Variants in ZAP70 observed in about 807,000 individuals in gnomAD.
ZAP70 encodes the protein tyrosine-protein kinase ZAP-70.
In ZAP70, 27 loss-of-function variants were observed where a neutral mutation model predicts 65.8. The observed-to-expected ratio is 0.41, with a 90% CI of 0.30 to 0.57. ZAP70 has a LOEUF of 0.57. Ranked by LOEUF, ZAP70 falls within the 20% of genes least tolerant of loss-of-function variation. The pLI is 0.28. For missense variants in ZAP70, 696 were observed against 870.5 expected (o/e 0.80, Z 2.52); for synonymous variants, 363 against 360.8 (o/e 1.01, Z -0.07).
At chr2:97,720,475 C>T (rs558798436) in intron 2 of ZAP70, among the ~76,000 whole-genome samples, 1 of 152,104 alleles carries the variant, frequency 6.6e-6, no homozygotes, top group South Asian at 2.1e-4. Flanking sequence ...GGTGATCCGC[C>T]TGCCTCGGCC....
Position 97,732,965 on chromosome 2 carries a change from G to C in ZAP70, c.646G>C (p.Asp216His). The C allele has an allele frequency of 6.2e-7, 1 of 1,614,138 alleles. No homozygotes were observed. The highest frequency in any genetic ancestry group is 1.1e-5 in the South Asian group (1 of 91,092). Reference protein sequence around the residue: ...KTVYHYLISQDKAGKYCIPEG... With the variant: ...KTVYHYLISQHKAGKYCIPEG... ...GGTGTACCACTACCTCATCAGCCAA[G>C]ACAAGGCGGGCAAGTACTGCATTCC... The change falls in exon 5 of 14, where the codon GAC (aspartate) becomes CAC (histidine). Residue 216 changes from aspartate (D) to histidine (H), a missense_variant. This residue lies in a region of ZAP70 where 551 missense variants were observed against 630.0 expected (regional missense o/e 0.87). Coordinates refer to ENST00000264972, the MANE Select transcript of ZAP70 (RefSeq NM_001079.4).
At chr2:97,713,876 A>G in intron 1 of ZAP70, 40 bp from the exon 2 acceptor site, 1 of 152,574 alleles carries the variant, frequency 6.6e-6, no homozygotes, top group Non-Finnish European at 1.5e-5. Flanking sequence ...GGCTGCAGGG[A>G]AATCCAAACC....
the ZAP70 span, among the ~76,000 whole-genome samples, chr2:97,752,719 TC>T: frequency 1.3e-5 from 2 of 152,248 alleles, no homozygotes; most frequent in African/African-American, 4.8e-5. Context: ...AGAAGCCTGT[TC>T]CTAAAGCATT....
chr2:97,730,038 C>A (rs1481056794), intron 4 of ZAP70, among the ~76,000 whole-genome samples: 1 of 152,090 alleles, frequency 6.6e-6, no homozygotes, highest in Non-Finnish European at 1.5e-5. Flanking sequence ...ACCAGCCTGG[C>A]CAACATGGTG....
At chr2:97,747,382 TAAG>T in the ZAP70 span, among the ~76,000 whole-genome samples, 2 of 152,164 alleles carry the variant, frequency 1.3e-5, no homozygotes, top group Non-Finnish European at 2.9e-5. Flanking sequence ...TATTCAGCCA[TAAG>T]AAGGAATGAA....
In ZAP70 at chr2:97,730,915, C is replaced by T. The variant is rs371433712; in HGVS notation, c.564-1968C>T. Among the ~76,000 whole-genome samples the T allele has an allele frequency of 1.3e-4, 20 of 151,888 alleles. No homozygotes were observed. In the East Asian group the frequency reaches 3.5e-3, roughly 26 times the overall value. On this transcript the variant is annotated intron_variant, in intron 4 of 13. Transcript: ENST00000264972. ...CTAAAAATACAAAAAATTAGCTGGG[C>T]GTGGTGGTGTGCACCTGCAGTCCCA...
chr2:97,738,652 C>T (rs1036409777), intron 13 of ZAP70: 8 of 202,662 alleles, frequency 3.9e-5, no homozygotes, highest in East Asian at 1.2e-4. Flanking sequence ...CCCAGACAAG[C>T]GGACGCCCTA....
Position 97,731,115 on chromosome 2 carries a change from G to C in ZAP70, c.564-1768G>C, listed in dbSNP as rs368415238. Among the ~76,000 whole-genome samples the C allele has an allele frequency of 1.3e-3, 202 of 151,842 alleles. 6 individuals are homozygous for C. The South Asian group carries it at 0.042, about 31-fold the overall frequency. On this transcript the variant is annotated intron_variant, in intron 4 of 13. Transcript: ENST00000264972. The surrounding 1 kb of genome is among the most constrained non-coding windows in gnomAD (Gnocchi z 4.0). ...GAGATGGGAGGTTTGCTGTTTGCTGGTGAGTGGCTTGGCATGGAGTCTCTG... is the reference window on the plus strand; with the variant it reads ...GAGATGGGAGGTTTGCTGTTTGCTGCTGAGTGGCTTGGCATGGAGTCTCTG...
At chr2:97,740,210 A>AC (rs969867296), downstream of ZAP70, among the ~76,000 whole-genome samples, 33 of 151,306 alleles carry the variant, frequency 2.2e-4, no homozygotes, top group South Asian at 1.7e-3. Flanking sequence ...TGGGGTCTTC[A>AC]CCCCCCCAGG....
At chr2:97,717,157 G>A (rs533675045) in intron 2 of ZAP70, among the ~76,000 whole-genome samples, 1 of 152,298 alleles carries the variant, frequency 6.6e-6, no homozygotes, top group Admixed American at 6.5e-5. Context: ...GGGGATTAAG[G>A]AGCAGGGAAC....
At chr2:97,728,636 G>T (rs1039539816) in intron 4 of ZAP70, among the ~76,000 whole-genome samples, 12 of 152,206 alleles carry the variant, frequency 7.9e-5, no homozygotes, top group Non-Finnish European at 1.3e-4. Context: ...TTGTACCCAG[G>T]GCTGTGCACT....
chr2:97,756,180 A>ACTC, the ZAP70 span, among the ~76,000 whole-genome samples: 8 of 152,124 alleles, frequency 5.3e-5, no homozygotes, highest in African/African-American at 1.9e-4. Flanking sequence ...AACACACAGA[A>ACTC]CTCCATTAGA....
intron 4 of ZAP70, among the ~76,000 whole-genome samples, chr2:97,728,284 G>A (rs1424323686): frequency 6.6e-6 from 1 of 152,250 alleles, no homozygotes; most frequent in Non-Finnish European, 1.5e-5. Context: ...GGCGGTGGGA[G>A]GGTGTGGCTA....
At chr2:97,717,433 TGTGGA>T (rs1676978338) in intron 2 of ZAP70, among the ~76,000 whole-genome samples, 1 of 131,240 alleles carries the variant, frequency 7.6e-6, no homozygotes, top group Non-Finnish European at 1.6e-5. Context: ...TGGGGTGACA[TGTGGA>T]GCCTCTGGCT....
rs567842718 is a variant in ZAP70 at position 97,726,173 on chromosome 2, G to A, written c.563+921G>A. ...TGTTAGCTTTTATATGTGGGTGAAC[G>A]TGCGTGTCTGAGCCACAGCTGAGGC... On this transcript the variant is annotated intron_variant, in intron 4 of 13. Coordinates refer to ENST00000264972, the MANE Select transcript of ZAP70 (RefSeq NM_001079.4). 2.0e-5 allele frequency among the ~76,000 whole-genome samples: 3 copies of A among 152,282 alleles called. No individual in the cohort carries two copies. The South Asian group carries it at 6.2e-4, about 32-fold the overall frequency.
At chr2:97,733,728 C>A in intron 8 of ZAP70, 133 bp downstream of exon 8, 2 of 1,076,264 alleles carry the variant, frequency 1.9e-6, no homozygotes, top group South Asian at 1.3e-5. Context: ...TGGTTAACAC[C>A]TGTGCACACA....
chr2:97,733,283 T>C lies in ZAP70; in HGVS notation c.791-14T>C. ...CCTGGCCCCCAGCCCTCACTGTCCCTTCTGCTCCCCCAGGGGCTGCTGCTC... is the reference window on the plus strand; with the variant it reads ...CCTGGCCCCCAGCCCTCACTGTCCCCTCTGCTCCCCCAGGGGCTGCTGCTC... On this transcript the variant is annotated splice_polypyrimidine_tract_variant and intron_variant, in intron 6 of 13. Transcript: ENST00000264972. The C allele has an allele frequency of 6.2e-7, 1 of 1,607,666 alleles. No individual in the cohort carries two copies. The highest frequency in any genetic ancestry group is 8.5e-7 in the Non-Finnish European group (1 of 1,176,498).
At chr2:97,733,451 C>T (rs1480661336) in intron 7 of ZAP70, 93 bp from the exon 8 acceptor site, 5 of 1,605,670 alleles carry the variant, frequency 3.1e-6, no homozygotes, top group Non-Finnish European at 4.3e-6. Context: ...GAAGCTCTCT[C>T]TCCACTGTCT....
At chr2:97,724,979 G>T in intron 3 of ZAP70, 113 bp from the exon 4 acceptor site, 1 of 1,554,604 alleles carries the variant, frequency 6.4e-7, no homozygotes, top group Non-Finnish European at 8.6e-7. Context: ...CCTAACACGC[G>T]CTAGGGACGC....
Sources: allele counts gnomAD v4.1 joint callset (sites outside exome capture counted in the v4.1 genomes callset), GRCh38; gene constraint gnomAD v4.1.1; regional missense constraint gnomAD v4.1.1; non-coding constraint Gnocchi (gnomAD v3.1); transcripts MANE v1.5; gene names NCBI Gene and HGNC (gene_info 2026-07-23, HGNC 2026-07-21).